VPS35L: variants seen among roughly 807,000 people sequenced by gnomAD.
The protein encoded by VPS35L is VPS35 endosomal protein sorting factor like.
Under a neutral mutation model 133.0 loss-of-function variants are expected in VPS35L, and 83 were observed. The observed-to-expected ratio is 0.62, with a 90% CI of 0.52 to 0.75. The LOEUF (loss-of-function observed/expected upper bound fraction) is 0.75. Among genes scored for constraint, VPS35L ranks in the 30% least tolerant of loss-of-function variants. The pLI is 0.00. For missense variants in VPS35L, 1,083 were observed against 1,206.8 expected, an observed-to-expected ratio of 0.90 and a Z score of 1.52; for synonymous variants, 423 against 449.9, an observed-to-expected ratio of 0.94 and a Z score of 0.76.
At chr16:19,587,743 C>G (rs1466342361) in intron 7 of VPS35L, among the ~76,000 whole-genome samples, 1 of 151,564 alleles carries the variant, frequency 6.6e-6, no homozygotes, top group African/African-American at 2.4e-5. Flanking sequence ...TTTCTGGACT[C>G]TCACTGTCAT....
At chr16:19,568,071 G>T (rs1971243382) in intron 2 of VPS35L, among the ~76,000 whole-genome samples, 1 of 151,792 alleles carries the variant, frequency 6.6e-6, no homozygotes, top group Non-Finnish European at 1.5e-5. Context: ...ATTTGCTATA[G>T]TGGCTCACAG....
intron 7 of VPS35L, among the ~76,000 whole-genome samples, chr16:19,587,807 T>C (rs1180421361): frequency 1.3e-5 from 2 of 149,112 alleles, no homozygotes; most frequent in Non-Finnish European, 3.0e-5. Flanking sequence ...CTTTTTTTTT[T>C]TTTTTTTTTT....
intron 30 of VPS35L, 43 bp from the exon 31 acceptor site, chr16:19,700,335 A>T: frequency 6.5e-7 from 1 of 1,533,632 alleles, no homozygotes; most frequent in Non-Finnish European, 9.0e-7. Context: ...GGCTCCAAGG[A>T]TAATGAACCA....
intron 7 of VPS35L, among the ~76,000 whole-genome samples, chr16:19,583,734 G>A (rs2151519884): frequency 6.6e-6 from 1 of 151,110 alleles, no homozygotes; most frequent in South Asian, 2.1e-4. Context: ...AAAAAAAAAG[G>A]AAAACAGAAA....
intron 27 of VPS35L, among the ~76,000 whole-genome samples, chr16:19,675,181 G>C (rs1975021896): frequency 6.6e-6 from 1 of 151,626 alleles, no homozygotes; most frequent in Non-Finnish European, 1.5e-5. Flanking sequence ...GAACGCCAAG[G>C]CTCAAGTGCT....
At position 19,561,327 on chromosome 16, in the gene VPS35L, C is replaced by T. The variant is rs144843207; in HGVS notation, c.18-3524C>T. On this transcript the variant is annotated intron_variant, in intron 1 of 30. Transcript: ENST00000417362. ...CGGAGCTTGCACTGAGCGGAGATCG[C>T]GCCACTGCACTCCAGCCTGGGCGAC... 2.8e-3 allele frequency among the ~76,000 whole-genome samples: 420 copies of T among 152,064 alleles called. 2 individuals carry two copies. The highest frequency in any genetic ancestry group is 9.8e-3 in the African/African-American group (405 of 41,474).
At chr16:19,621,642 A>T (rs1472282270) in intron 14 of VPS35L, among the ~76,000 whole-genome samples, 1 of 152,260 alleles carries the variant, frequency 6.6e-6, no homozygotes, top group African/African-American at 2.4e-5. Flanking sequence ...GCTGTTGTTC[A>T]TCGTGTTCTT....
intron 6 of VPS35L, among the ~76,000 whole-genome samples, chr16:19,581,191 GGTAA>G (rs1971698074): frequency 6.6e-6 from 1 of 152,058 alleles, no homozygotes; most frequent in South Asian, 2.1e-4. Context: ...GGTTGAATGA[GGTAA>G]GTCTTGTTAC....
intron 2 of VPS35L, among the ~76,000 whole-genome samples, chr16:19,568,989 A>C (rs944266799): frequency 2.6e-5 from 4 of 152,176 alleles, no homozygotes; most frequent in Non-Finnish European, 5.9e-5. Flanking sequence ...AAGGCAAAAA[A>C]AAAGTACCTG....
intron 9 of VPS35L, among the ~76,000 whole-genome samples, 169 bp downstream of exon 9, chr16:19,601,892 TAGA>T (rs1205318917): frequency 6.6e-6 from 1 of 152,150 alleles, no homozygotes; most frequent in Non-Finnish European, 1.5e-5. Flanking sequence ...CTAAAAACAT[TAGA>T]AGGTTTCTAA....
At chr16:19,607,581 G>A (rs147611697) in intron 9 of VPS35L, among the ~76,000 whole-genome samples, 20 of 152,300 alleles carry the variant, frequency 1.3e-4, no homozygotes, top group Middle Eastern at 3.4e-3. Context: ...GGAGCCAGTC[G>A]TGAGCCGGCA....
intron 28 of VPS35L, among the ~76,000 whole-genome samples, chr16:19,690,561 C>T (rs971181590): frequency 1.6e-4 from 24 of 152,284 alleles, no homozygotes; most frequent in African/African-American, 5.3e-4. Context: ...CAGCTGGATG[C>T]GGTAGCTAAG....
chr16:19,669,742 C>T (rs1974815501), intron 27 of VPS35L, among the ~76,000 whole-genome samples: 1 of 151,608 alleles, frequency 6.6e-6, no homozygotes, highest in Non-Finnish European at 1.5e-5. Flanking sequence ...ATGATCTTAG[C>T]TCACTTCAAC....
At chr16:19,644,445 C>T (rs992206052) in intron 22 of VPS35L, among the ~76,000 whole-genome samples, 5 of 152,058 alleles carry the variant, frequency 3.3e-5, no homozygotes, top group Non-Finnish European at 5.9e-5. Context: ...GTCATGTTGC[C>T]CAGGTTGATC....
At position 19,644,034 on chromosome 16, in the gene VPS35L, T is replaced by A. The variant is rs569205604; in HGVS notation, c.1866-852T>A. 2.6e-5 allele frequency among the ~76,000 whole-genome samples: 4 copies of A among 152,264 alleles called. No homozygotes were observed. The East Asian group carries it at 7.7e-4, about 29-fold the overall frequency. On this transcript the variant is annotated intron_variant, in intron 22 of 30. Transcript: ENST00000417362. ...ACAGTGGGCAATCTTTGCCAAAACA[T>A]TTTCTCCGAGAACAAACCAACAAAC...
At chr16:19,556,568 G>A (rs774225824) in intron 1 of VPS35L, among the ~76,000 whole-genome samples, 2 of 152,162 alleles carry the variant, frequency 1.3e-5, no homozygotes, top group Non-Finnish European at 2.9e-5. Context: ...ATTTGGGGAC[G>A]GGGAATCTCT....
intron 9 of VPS35L, 135 bp from the exon 10 acceptor site, chr16:19,608,043 A>G (rs914734031): frequency 3.0e-5 from 20 of 664,004 alleles, no homozygotes; most frequent in Non-Finnish European, 4.8e-5. Flanking sequence ...GTTACTTCCT[A>G]ATAGTGATAT....
chr16:19,642,742 C>T (rs1431619967), intron 22 of VPS35L, among the ~76,000 whole-genome samples: 1 of 152,140 alleles, frequency 6.6e-6, no homozygotes, highest in African/African-American at 2.4e-5. Flanking sequence ...AACTCAAACT[C>T]CATGTCTCTT....
chr16:19,686,142 C>T (rs958116767), intron 28 of VPS35L, among the ~76,000 whole-genome samples: 1 of 152,158 alleles, frequency 6.6e-6, no homozygotes, highest in African/African-American at 2.4e-5. Context: ...ACCTGCCCGG[C>T]GTCTTGGTAG....
Sources: gnomAD v4.1 joint callset for allele counts (sites outside exome capture counted in the v4.1 genomes callset) on GRCh38, gnomAD v4.1.1 for gene constraint, MANE v1.5 for transcripts, NCBI Gene and HGNC (gene_info 2026-07-23, HGNC 2026-07-21) for gene names.